Variants in LRRC53 observed in about 807,000 individuals in gnomAD.
LRRC53 encodes leucine rich repeat containing 53.
A neutral mutation model predicts 13.6 loss-of-function variants in LRRC53; 25 were observed. The observed-to-expected ratio is 1.83, with a 90% CI of 1.34 to 2.56. The LOEUF is 2.56. Among genes scored for constraint, LRRC53 ranks in the 30% most tolerant of loss-of-function variants. The pLI, the probability that LRRC53 is intolerant of heterozygous loss-of-function variation, is 0.00. For missense variants in LRRC53, 527 were observed against 275.8 expected, an observed-to-expected ratio of 1.91 and a Z score of -6.45; for synonymous variants, 204 against 109.8, an observed-to-expected ratio of 1.86 and a Z score of -5.37.
rs886303314 is a variant in LRRC53, at chr1:74,480,640, A to G, written c.417T>C (p.Asp139=). 8 of 717,144 alleles carry G rather than the reference A, an allele frequency of 1.1e-5. No homozygotes were observed. Among genetic ancestry groups the G allele is most frequent in the Non-Finnish European group, 2.1e-5 (8 of 385,102 alleles). The allele number at this position is 717,144 out of a possible 1,614,324, so 44.4% of individuals were successfully genotyped here. ...NTSGLTRLQL[D]GNQITNLTDS... is the part of the protein sequence containing the mutation. Reference sequence around the variant, plus strand: ...CTGTGAGATTAGTAATCTGATTCCCATCCAGCTGGAGCCGGGTCAGGCCGC... The same window carrying G: ...CTGTGAGATTAGTAATCTGATTCCCGTCCAGCTGGAGCCGGGTCAGGCCGC... The change falls in exon 3 of 5, where the codon GAT becomes GAC. Residue 139 remains aspartate, a synonymous_variant. Transcript: ENST00000294635.
the LRRC53 span, among the ~76,000 whole-genome samples, chr1:74,525,365 T>C: frequency 6.6e-6 from 1 of 152,262 alleles, no homozygotes; most frequent in South Asian, 2.1e-4. Context: ...AAAAAAGGAA[T>C]GTGAGGCACA....
intron 2 of LRRC53, among the ~76,000 whole-genome samples, chr1:74,481,833 G>A (rs1037058249): frequency 2.0e-5 from 3 of 152,176 alleles, no homozygotes; most frequent in Non-Finnish European, 4.4e-5. Context: ...GTGTCATAAG[G>A]ATAGAGGAGT....
At chr1:74,476,716 A>G (rs1433407269) in intron 3 of LRRC53, among the ~76,000 whole-genome samples, 7 of 152,162 alleles carry the variant, frequency 4.6e-5, no homozygotes, top group African/African-American at 1.7e-4. Flanking sequence ...TGTGCCCTAA[A>G]CCCACATCTG....
At chr1:74,496,998 G>A (rs895751895) in intron 1 of LRRC53, among the ~76,000 whole-genome samples, 1 of 152,138 alleles carries the variant, frequency 6.6e-6, no homozygotes, top group African/African-American at 2.4e-5. Context: ...GGGATCCAGA[G>A]TTTGGAACTG....
Position 74,475,828 on chromosome 1 carries a change from A to G in LRRC53, c.905-18T>C, listed in dbSNP as rs552679625. The stretch of plus-strand genomic sequence containing the variant: ...AACAGCTCCTATGACAAATAGAGAG[A>G]CCATTAAAAGATAACATCTTGGGAA... On this transcript the variant is annotated intron_variant, in intron 3 of 4. Coordinates refer to ENST00000294635, the MANE Select transcript of LRRC53 (RefSeq NM_001382280.1). 1.4e-4 allele frequency: 79 copies of G among 567,218 alleles called. No homozygotes were observed. Among genetic ancestry groups the G allele is most frequent in the Non-Finnish European group, 2.4e-4 (75 of 311,380 alleles). 35.1% of individuals were successfully genotyped at this position (567,218 alleles called of 1,614,324 possible). A position where few individuals can be genotyped will look rare whatever the true frequency, so the allele number is the denominator to read the frequency against.
intron 1 of LRRC53, among the ~76,000 whole-genome samples, chr1:74,497,883 C>G (rs1332811992): frequency 2.6e-5 from 4 of 152,158 alleles, no homozygotes; most frequent in Admixed American, 2.0e-4. Context: ...CTCAGTGATA[C>G]ACGTTTTCAT....
intron 1 of LRRC53, among the ~76,000 whole-genome samples, chr1:74,505,049 C>A (rs1419919935): frequency 6.6e-6 from 1 of 152,168 alleles, no homozygotes; most frequent in Non-Finnish European, 1.5e-5. Context: ...GATGAGAGTT[C>A]TATGAGGTTT....
intron 1 of LRRC53, among the ~76,000 whole-genome samples, chr1:74,488,396 T>C (rs45595635): frequency 2.0e-5 from 3 of 152,152 alleles, no homozygotes; most frequent in African/African-American, 7.2e-5. Flanking sequence ...ATCTAAATTA[T>C]TTGGTTACTG....
At chr1:74,506,109 A>G (rs777399572) in intron 1 of LRRC53, among the ~76,000 whole-genome samples, 5 of 152,184 alleles carry the variant, frequency 3.3e-5, no homozygotes, top group Non-Finnish European at 7.3e-5. Flanking sequence ...TGATGTAGAT[A>G]ATATTGCCAT....
intron 1 of LRRC53, among the ~76,000 whole-genome samples, chr1:74,497,902 C>G (rs1039863568): frequency 1.3e-5 from 2 of 152,110 alleles, no homozygotes; most frequent in Admixed American, 1.3e-4. Flanking sequence ...ATCATACGTT[C>G]CAGTGGTTCT....
chr1:74,514,708 A>C (rs77077794), upstream of LRRC53, among the ~76,000 whole-genome samples: 4 of 152,274 alleles, frequency 2.6e-5, no homozygotes, highest in East Asian at 7.7e-4. Context: ...TTAGGACACC[A>C]TAAGAAATTC....
chr1:74,500,340 T>C (rs1330692671), intron 1 of LRRC53, among the ~76,000 whole-genome samples: 1 of 151,916 alleles, frequency 6.6e-6, no homozygotes, highest in Non-Finnish European at 1.5e-5. Context: ...AAATGCACCT[T>C]TAAAAATTAT....
intron 1 of LRRC53, among the ~76,000 whole-genome samples, chr1:74,512,117 A>G (rs1424963443): frequency 1.3e-5 from 2 of 152,212 alleles, no homozygotes; most frequent in Admixed American, 6.5e-5. Context: ...GGGACTGGAT[A>G]TAGCAGCCAC....
the LRRC53 span, among the ~76,000 whole-genome samples, chr1:74,528,937 C>G: frequency 6.6e-6 from 1 of 152,160 alleles, no homozygotes; most frequent in South Asian, 2.1e-4. Flanking sequence ...CATCTTGCAC[C>G]AGAAAGGAGA....
the LRRC53 span, among the ~76,000 whole-genome samples, chr1:74,533,276 G>T: frequency 6.6e-6 from 1 of 152,044 alleles, no homozygotes; most frequent in Non-Finnish European, 1.5e-5. Context: ...CTTCTCAAAA[G>T]AAGACATTTA....
intron 1 of LRRC53, among the ~76,000 whole-genome samples, chr1:74,490,592 A>T (rs1192634698): frequency 1.3e-5 from 2 of 152,228 alleles, no homozygotes; most frequent in Non-Finnish European, 2.9e-5. Context: ...CTATATGCTG[A>T]CAGAGTTTGC....
rs908237846 is a variant in LRRC53, at chr1:74,483,308, C to T, written c.42G>A (p.Val14=). The T allele has an allele frequency of 5.6e-6, 4 of 717,362 alleles. No individual in the cohort carries two copies. The highest frequency in any genetic ancestry group is 2.7e-5 in the East Asian group (1 of 37,284). 44.4% of individuals were successfully genotyped at this position (717,362 alleles called of 1,614,324 possible). A position where few individuals can be genotyped will look rare whatever the true frequency, so the allele number is the denominator to read the frequency against. The change falls in exon 2 of 5, where the codon GTG becomes GTA. Residue 14 remains valine (V), a synonymous_variant. Coordinates refer to ENST00000294635, the MANE Select transcript of LRRC53 (RefSeq NM_001382280.1). ...GACAGAGGGTTACATCTTTGGTGCACACCACACATGACTCAGGGCAAGCTG... is the reference window on the plus strand; with the variant it reads ...GACAGAGGGTTACATCTTTGGTGCATACCACACATGACTCAGGGCAAGCTG... ...LVAACPESCV[V]CTKDVTLCHQ... is the part of the protein sequence containing the mutation.
intron 3 of LRRC53, 59 bp downstream of exon 3, chr1:74,480,094 G>A (rs1348340209): frequency 9.1e-6 from 6 of 656,418 alleles, no homozygotes; most frequent in African/African-American, 3.6e-5. Flanking sequence ...CACTTAGCAT[G>A]CTGCAAAAAT....
intron 4 of LRRC53, among the ~76,000 whole-genome samples, chr1:74,473,631 C>T (rs574118569): frequency 1.9e-4 from 29 of 151,754 alleles, no homozygotes; most frequent in Non-Finnish European, 3.8e-4. Context: ...TGGGGATACT[C>T]CATCTCCAAT....
Sources: gnomAD v4.1 joint callset for allele counts (sites outside exome capture counted in the v4.1 genomes callset) on GRCh38, gnomAD v4.1.1 for gene constraint, MANE v1.5 for transcripts, NCBI Gene and HGNC (gene_info 2026-07-23, HGNC 2026-07-21) for gene names.